Variants in COL22A1 observed in about 807,000 individuals in gnomAD.
COL22A1 encodes collagen alpha-1(XXII) chain.
A neutral mutation model predicts 248.9 loss-of-function variants in COL22A1; 221 were observed. That is an observed-to-expected ratio of 0.89 (90% CI 0.80 to 0.99). The LOEUF (loss-of-function observed/expected upper bound fraction) is 0.99, where lower values mean the gene tolerates loss of function less well. Ranked by LOEUF, COL22A1 falls within the 50% of genes least tolerant of loss-of-function variation. The pLI is 0.00. For missense variants in COL22A1, 2,240 were observed against 2,179.0 expected, an observed-to-expected ratio of 1.03 and a Z score of -0.56; for synonymous variants, 891 against 793.4, an observed-to-expected ratio of 1.12 and a Z score of -2.07.
chr8:138,865,400 G>T (rs906962922), intron 3 of COL22A1, among the ~76,000 whole-genome samples: 3 of 151,640 alleles, frequency 2.0e-5, no homozygotes, highest in Admixed American at 1.3e-4. Context: ...GTATGTGTGT[G>T]TCTTGTTTGT....
chr8:138,767,982 C>T (rs866657267), intron 16 of COL22A1, among the ~76,000 whole-genome samples: 1 of 152,174 alleles, frequency 6.6e-6, no homozygotes, highest in Non-Finnish European at 1.5e-5. Context: ...ATTGTTTTCC[C>T]CTGAAATCGG....
intron 17 of COL22A1, 63 bp downstream of exon 17, chr8:138,762,350 C>T (rs1833557873): frequency 6.6e-7 from 1 of 1,510,988 alleles, no homozygotes; most frequent in Non-Finnish European, 9.2e-7. Context: ...TATGTGGGGT[C>T]TGGTCATTCC....
chr8:138,668,321 C>T (rs145946596), intron 41 of COL22A1, among the ~76,000 whole-genome samples: 9 of 152,076 alleles, frequency 5.9e-5, no homozygotes, highest in Admixed American at 5.2e-4. Flanking sequence ...CTAGTTGTGG[C>T]TATATGGGTG....
At position 138,695,009 on chromosome 8, in the gene COL22A1, C is replaced by T. The variant is rs959242687; in HGVS notation, c.2593-130G>A. The T allele has an allele frequency of 6.5e-6, 5 of 766,564 alleles. No homozygotes were observed. The African/African-American group carries it at 7.0e-5, about 11-fold the overall frequency. 47.5% of individuals were successfully genotyped at this position (766,564 alleles called of 1,614,324 possible). On this transcript the variant is annotated intron_variant, in intron 32 of 64. Coordinates refer to ENST00000303045, the MANE Select transcript of COL22A1 (RefSeq NM_152888.3). ...GTATCACCTGATAGGTCCCCACCCC[C>T]AAAGGCTGTTCCCTCTGCCTGGGGG... is the stretch of plus-strand genomic sequence containing the variant.
intron 27 of COL22A1, among the ~76,000 whole-genome samples, chr8:138,720,271 T>C (rs956391098): frequency 6.6e-6 from 1 of 152,152 alleles, no homozygotes; most frequent in African/African-American, 2.4e-5. Flanking sequence ...CTTCTGGCTT[T>C]CTGTAGGGTC....
At chr8:138,738,742 G>A (rs1831321635) in intron 22 of COL22A1, among the ~76,000 whole-genome samples, 1 of 152,208 alleles carries the variant, frequency 6.6e-6, no homozygotes, top group Admixed American at 6.5e-5. Flanking sequence ...TCAGGGCTCT[G>A]AAGAATTAAA....
intron 1 of COL22A1, among the ~76,000 whole-genome samples, chr8:138,911,960 G>A (rs548838043): frequency 3.3e-5 from 5 of 152,272 alleles, no homozygotes; most frequent in East Asian, 1.9e-4. Context: ...CCACAGTTGC[G>A]CAGTGCCTCA....
At chr8:138,877,154 G>A (rs1823780336) in intron 3 of COL22A1, among the ~76,000 whole-genome samples, 2 of 150,826 alleles carry the variant, frequency 1.3e-5, no homozygotes, top group African/African-American at 2.4e-5. Flanking sequence ...AGACAAATAA[G>A]CTAGAGGCCT....
intron 62 of COL22A1, among the ~76,000 whole-genome samples, chr8:138,595,737 T>G (rs1438590745): frequency 6.6e-6 from 1 of 151,974 alleles, no homozygotes; most frequent in Non-Finnish European, 1.5e-5. Flanking sequence ...GCTGTGTCCT[T>G]GCTCCCAGCA....
intron 3 of COL22A1, among the ~76,000 whole-genome samples, chr8:138,874,996 C>T (rs1276937545): frequency 2.6e-5 from 4 of 152,098 alleles, no homozygotes; most frequent in African/African-American, 9.7e-5. Context: ...TTGATCTCAC[C>T]CTCCTCTAAA....
intron 23 of COL22A1, among the ~76,000 whole-genome samples, chr8:138,726,158 G>A (rs1830290526): frequency 6.6e-6 from 1 of 152,022 alleles, no homozygotes; most frequent in Non-Finnish European, 1.5e-5. Flanking sequence ...TTGGTTGAGG[G>A]GGAGGGCTGG....
At chr8:138,665,128 T>G (rs1329096570) in intron 41 of COL22A1, among the ~76,000 whole-genome samples, 1 of 152,136 alleles carries the variant, frequency 6.6e-6, no homozygotes, top group Non-Finnish European at 1.5e-5. Flanking sequence ...TAAGCATCAT[T>G]TTAAGTGTGT....
At chr8:138,902,000 C>T (rs925710305) in intron 1 of COL22A1, among the ~76,000 whole-genome samples, 2 of 152,002 alleles carry the variant, frequency 1.3e-5, no homozygotes, top group African/African-American at 2.4e-5. Context: ...CTTGAGTTAC[C>T]GGGCTGGTGC....
intron 46 of COL22A1, among the ~76,000 whole-genome samples, chr8:138,648,410 T>C (rs540270683): frequency 1.3e-5 from 2 of 152,380 alleles, no homozygotes; most frequent in Non-Finnish European, 2.9e-5. Context: ...CCCTGTACCA[T>C]GTATGGGTAA....
At chr8:138,905,250 A>G (rs1814922377) in intron 1 of COL22A1, among the ~76,000 whole-genome samples, 2 of 152,174 alleles carry the variant, frequency 1.3e-5, no homozygotes, top group Admixed American at 1.3e-4. Flanking sequence ...ATCTACCCCA[A>G]CACCCTCCAT....
intron 3 of COL22A1, among the ~76,000 whole-genome samples, chr8:138,855,199 T>C (rs2131923786): frequency 6.6e-6 from 1 of 152,368 alleles, no homozygotes; most frequent in South Asian, 2.1e-4. Context: ...CACATGGTGC[T>C]TATTATGTGA....
At chr8:138,718,611 C>A (rs1829629183) in intron 27 of COL22A1, among the ~76,000 whole-genome samples, 1 of 152,214 alleles carries the variant, frequency 6.6e-6, no homozygotes, top group South Asian at 2.1e-4. Context: ...TAGTCATCAT[C>A]ATCTTGGAAA....
At chr8:138,826,870 G>A (rs1819627081) in intron 5 of COL22A1, 89 bp from the exon 6 acceptor site, 1 of 1,472,318 alleles carries the variant, frequency 6.8e-7, no homozygotes, top group Non-Finnish European at 9.3e-7. Context: ...CAGTGATCAA[G>A]CCCTGCCAAT....
chr8:138,710,583 C>A (rs922427283), intron 30 of COL22A1, among the ~76,000 whole-genome samples: 1 of 132,124 alleles, frequency 7.6e-6, no homozygotes, highest in African/African-American at 2.8e-5. Context: ...TGTAGCAATG[C>A]CCATAATCTA....
Sources: allele counts gnomAD v4.1 joint callset (sites outside exome capture counted in the v4.1 genomes callset), GRCh38; gene constraint gnomAD v4.1.1; transcripts MANE v1.5; gene names NCBI Gene and HGNC (gene_info 2026-07-23, HGNC 2026-07-21).